The following HS6ST3 variants were observed in gnomAD, a reference collection of about 807,000 sequenced individuals.
HS6ST3 encodes heparan-sulfate 6-O-sulfotransferase 3.
Under a neutral mutation model 36.7 loss-of-function variants are expected in HS6ST3, and 12 were observed. The observed-to-expected ratio is 0.33, with a 90% CI of 0.21 to 0.53. The LOEUF is 0.53. Among genes scored for constraint, HS6ST3 ranks in the 20% least tolerant of loss-of-function variants. HS6ST3 has a pLI of 0.95. For missense variants in HS6ST3, 584 were observed against 640.9 expected (o/e 0.91, Z 0.96); for synonymous variants, 240 against 257.5 (o/e 0.93, Z 0.65).
In HS6ST3 at chr13:96,635,239, TC is replaced by T. The variant is rs1460362285; in HGVS notation, c.708-197250del. 1.5e-4 allele frequency among the ~76,000 whole-genome samples: 21 copies of T among 140,116 alleles called. No homozygotes were observed. The East Asian group carries it at 4.4e-3, about 29-fold the overall frequency. 91.9% of individuals were successfully genotyped at this position (140,116 alleles called of 152,430 possible). Reference sequence around the variant, plus strand: ...GTTTCCCTTAGGATTTCAATGCCCATCTTTTTCATAAGATGTAAGTTTTTTT... The same window carrying T: ...GTTTCCCTTAGGATTTCAATGCCCATTTTTTCATAAGATGTAAGTTTTTTT... On this transcript the variant is annotated intron_variant, in intron 1 of 1. Transcript: ENST00000376705.
intron 1 of HS6ST3, among the ~76,000 whole-genome samples, chr13:96,475,863 GA>G (rs1212824091): frequency 6.6e-6 from 1 of 152,142 alleles, no homozygotes; most frequent in African/African-American, 2.4e-5. Flanking sequence ...TGGAGCTCAT[GA>G]TGATTGGATT....
At chr13:96,473,878 C>T (rs768605311) in intron 1 of HS6ST3, among the ~76,000 whole-genome samples, 1 of 152,110 alleles carries the variant, frequency 6.6e-6, no homozygotes, top group Non-Finnish European at 1.5e-5. Context: ...CTTTTGCTAC[C>T]GTGTACTCCT....
At chr13:96,238,950 G>A (rs2054547633) in intron 1 of HS6ST3, among the ~76,000 whole-genome samples, 3 of 152,148 alleles carry the variant, frequency 2.0e-5, no homozygotes, top group South Asian at 4.1e-4. Context: ...AGTGCAACAC[G>A]GGGAAACAAA....
intron 1 of HS6ST3, among the ~76,000 whole-genome samples, chr13:96,646,740 T>C (rs149745843): frequency 1.3e-5 from 2 of 152,034 alleles, no homozygotes; most frequent in East Asian, 3.9e-4. Context: ...TCATTTCACA[T>C]ATGGGCCCTG....
chr13:96,239,292 A>G (rs1344314526), intron 1 of HS6ST3, among the ~76,000 whole-genome samples: 1 of 152,216 alleles, frequency 6.6e-6, no homozygotes, highest in Non-Finnish European at 1.5e-5. Context: ...TATTTACATG[A>G]CAGATGCTTA....
At chr13:96,318,959 A>T (rs1180400741) in intron 1 of HS6ST3, among the ~76,000 whole-genome samples, 1 of 152,226 alleles carries the variant, frequency 6.6e-6, no homozygotes. Flanking sequence ...GCTTAAAAAA[A>T]ATAGCCTTAT....
chr13:96,800,886 A>AAGAAAT (rs1028490840), intron 1 of HS6ST3, among the ~76,000 whole-genome samples: 10 of 152,114 alleles, frequency 6.6e-5, no homozygotes, highest in Admixed American at 1.3e-4. Context: ...GAAAAAGAAA[A>AAGAAAT]ACACCTTTGG....
intron 1 of HS6ST3, among the ~76,000 whole-genome samples, chr13:96,462,067 CTT>C (rs1483314351): frequency 1.3e-5 from 2 of 151,950 alleles, no homozygotes; most frequent in African/African-American, 2.4e-5. Context: ...TTTTTGAAAA[CTT>C]TTGTTTTTCA....
chr13:96,435,696 G>A (rs995521489), intron 1 of HS6ST3, among the ~76,000 whole-genome samples: 4 of 152,156 alleles, frequency 2.6e-5, no homozygotes, highest in African/African-American at 9.7e-5. Flanking sequence ...TTACTTCTAA[G>A]TAGGGTCCTT....
In HS6ST3 at chr13:96,094,868, T is replaced by C. The variant is rs185625153; in HGVS notation, c.707+3299T>C. ...TGATGATTTTTTCCCATTATTTTTG[T>C]GTTGCTTTTCCCCCTCAGTTATTTT... is the stretch of plus-strand genomic sequence containing the variant. On this transcript the variant is annotated intron_variant, in intron 1 of 1. Transcript: ENST00000376705. 3.1e-3 allele frequency among the ~76,000 whole-genome samples: 465 copies of C among 152,298 alleles called. 2 individuals are homozygous for C. The highest frequency in any genetic ancestry group is 0.011 in the African/African-American group (442 of 41,576).
chr13:96,300,047 C>CTTTTTTTTTT (rs11350737), intron 1 of HS6ST3, among the ~76,000 whole-genome samples: 1 of 74,522 alleles, frequency 1.3e-5, no homozygotes, highest in Non-Finnish European at 2.5e-5. Flanking sequence ...AAGTGCTACA[C>CTTTTTTTTTT]TTTTTTTTTT....
At chr13:96,389,114 A>T (rs1217177577) in intron 1 of HS6ST3, among the ~76,000 whole-genome samples, 1 of 152,224 alleles carries the variant, frequency 6.6e-6, no homozygotes, top group African/African-American at 2.4e-5. Flanking sequence ...ATAGTTTAAA[A>T]GTATAGACTA....
chr13:96,372,275 A>G (rs1371057194), intron 1 of HS6ST3, among the ~76,000 whole-genome samples: 1 of 152,072 alleles, frequency 6.6e-6, no homozygotes, highest in Non-Finnish European at 1.5e-5. Context: ...GGCCATTTGT[A>G]TGTTTTCTAA....
At chr13:96,531,206 G>A (rs750222644) in intron 1 of HS6ST3, among the ~76,000 whole-genome samples, 39 of 152,092 alleles carry the variant, frequency 2.6e-4, no homozygotes, top group Non-Finnish European at 4.4e-4. Context: ...GTAAAAGTTC[G>A]GAAATCCCTC....
At chr13:96,569,166 T>C (rs1444426952) in intron 1 of HS6ST3, among the ~76,000 whole-genome samples, 1 of 152,260 alleles carries the variant, frequency 6.6e-6, no homozygotes, top group Non-Finnish European at 1.5e-5. Context: ...TAATAGTTCC[T>C]GGCATCATAC....
At chr13:96,477,309 A>G (rs1887126177) in intron 1 of HS6ST3, among the ~76,000 whole-genome samples, 1 of 152,210 alleles carries the variant, frequency 6.6e-6, no homozygotes, top group African/African-American at 2.4e-5. Context: ...TTTTCCTTTC[A>G]GTCATCAAAC....
At chr13:96,613,314 T>C (rs1445044720) in intron 1 of HS6ST3, among the ~76,000 whole-genome samples, 1 of 152,206 alleles carries the variant, frequency 6.6e-6, no homozygotes, top group East Asian at 1.9e-4. Flanking sequence ...TTCCATTTTA[T>C]ACACAGAAAA....
intron 1 of HS6ST3, among the ~76,000 whole-genome samples, chr13:96,133,834 A>T (rs1594688915): frequency 1.0e-5 from 1 of 96,442 alleles, no homozygotes; most frequent in Non-Finnish European, 2.1e-5. Flanking sequence ...CAACTCTTTG[A>T]GCTTTTATGT....
chr13:96,569,157 A>C (rs1361541222), intron 1 of HS6ST3, among the ~76,000 whole-genome samples: 2 of 152,216 alleles, frequency 1.3e-5, no homozygotes, highest in African/African-American at 4.8e-5. Flanking sequence ...TTGTGTCACT[A>C]ATAGTTCCTG....
Sources: allele counts gnomAD v4.1 joint callset (sites outside exome capture counted in the v4.1 genomes callset), GRCh38; gene constraint gnomAD v4.1.1; transcripts MANE v1.5; gene names NCBI Gene and HGNC (gene_info 2026-07-23, HGNC 2026-07-21).